CCL5: variants seen among roughly 807,000 people sequenced by gnomAD.
CCL5 encodes the protein C-C motif chemokine ligand 5, also known as C-C motif chemokine 5.
CCL5 carries 5 observed loss-of-function variants against 9.0 expected under a neutral mutation model. That is an observed-to-expected ratio of 0.55 (90% CI 0.29 to 1.16). The LOEUF (loss-of-function observed/expected upper bound fraction) is 1.16. Among genes scored for constraint, CCL5 ranks in the 50% most tolerant of loss-of-function variants. The probability of loss-of-function intolerance (pLI) is 0.08; values close to 1 mark genes in which losing one functional copy is unlikely to be tolerated. For synonymous variants in CCL5, 66 were observed against 72.0 expected, an observed-to-expected ratio of 0.92 and a Z score of 0.42; for missense variants, 183 against 183.2, an observed-to-expected ratio of 1.00 and a Z score of 0.01.
chr17:35,879,972 C>G (rs2088494714), intron 1 of CCL5, among the ~76,000 whole-genome samples: 2 of 152,274 alleles, frequency 1.3e-5, no homozygotes, highest in East Asian at 1.9e-4. Context: ...TCAGTGAACA[C>G]CTGTAGGCCT....
rs1047764015 is a variant in CCL5, at chr17:35,872,223, T to A, written c.*47A>T. 1.5e-6 allele frequency: 2 copies of A among 1,373,448 alleles called. No individual in the cohort carries two copies. The highest frequency in any genetic ancestry group is 1.9e-6 in the Non-Finnish European group (2 of 1,035,502). 85.1% of individuals were successfully genotyped at this position (1,373,448 alleles called of 1,614,324 possible). ...CAGGCGTGAGCCACCACGTCCAGCC[T>A]GGGGAAGGTTTTTGTAACTGCTGCT... On this transcript the variant is annotated 3_prime_UTR_variant, in exon 4 of 4. Transcript: ENST00000651122.
At chr17:35,874,178 T>G (rs2088413084) in intron 3 of CCL5, among the ~76,000 whole-genome samples, 1 of 152,236 alleles carries the variant, frequency 6.6e-6, no homozygotes, top group Non-Finnish European at 1.5e-5. Flanking sequence ...CACATTATTC[T>G]TATTATTATT....
chr17:35,875,721 C>T (rs554353433), intron 2 of CCL5: 5 of 467,484 alleles, frequency 1.1e-5, no homozygotes, highest in South Asian at 9.1e-5. Context: ...CCAACCTCCC[C>T]GCAGACTGTG....
At position 35,872,419 on chromosome 17, in the gene CCL5, C is replaced by G; in HGVS notation, c.316G>C (p.Glu106Gln). 6.2e-7 allele frequency: 1 copy of G among 1,614,010 alleles called. No homozygotes were observed. The highest frequency in any genetic ancestry group is 8.5e-7 in the Non-Finnish European group (1 of 1,180,008). ...AGTTGATGTACTCCCGAACCCATTTCTTCTCTGGGTTGGCACACACTTGGC... is the reference window on the plus strand; with the variant it reads ...AGTTGATGTACTCCCGAACCCATTTGTTCTCTGGGTTGGCACACACTTGGC... Residue 106 changes from glutamate (E) to glutamine (Q), a missense_variant, in exon 4 of 4, where the codon GAA becomes CAA. By Grantham distance (29) the Glu-to-Gln change is conservative. Transcript: ENST00000651122.
Position 35,880,294 on chromosome 17 carries a change from G to C in CCL5, c.12C>G (p.Ser4=). The C allele has an allele frequency of 6.2e-7, 1 of 1,612,448 alleles. No individual in the cohort carries two copies. The highest frequency in any genetic ancestry group is 8.5e-7 in the Non-Finnish European group (1 of 1,179,330). ...TGAGGATGACAGCGAGGGCTGCCGC[G>C]GAGACCTTCATGGTACCTGTGGGAG... The change falls in exon 1 of 4, where the codon TCC becomes TCG. Residue 4 remains serine, a synonymous_variant. Transcript: ENST00000651122.
At chr17:35,875,823 C>A (rs1568349047) in intron 2 of CCL5, among the ~76,000 whole-genome samples, 1 of 152,092 alleles carries the variant, frequency 6.6e-6, no homozygotes, top group Non-Finnish European at 1.5e-5. Context: ...TTCTGCCTAC[C>A]CCTTAAGAGC....
In CCL5 at chr17:35,878,582, G is replaced by A. The variant is rs749062985; in HGVS notation, c.134C>T (p.Ala45Val). 1 of 1,614,054 alleles carries A rather than the reference G, an allele frequency of 6.2e-7. No individual in the cohort carries two copies. Among genetic ancestry groups the A allele is most frequent in the Non-Finnish European group, 8.5e-7 (1 of 1,179,962 alleles). ...GGTGTAGAAATACTCCTTGATGTGGGCACGGGGCAGTGGGCGGGCAATGTA... is the reference window on the plus strand; with the variant it reads ...GGTGTAGAAATACTCCTTGATGTGGACACGGGGCAGTGGGCGGGCAATGTA... Residue 45 changes from alanine (A) to valine (V), a missense_variant, in exon 2 of 4, where the codon GCC (alanine) becomes GTC (valine). By Grantham distance (64) the Ala-to-Val change is moderately conservative. Coordinates refer to ENST00000651122, the MANE Select transcript of CCL5 (RefSeq NM_001278736.2).
At position 35,880,125 on chromosome 17, in the gene CCL5, C is replaced by G. The variant is rs2088496565; in HGVS notation, c.76+105G>C. ...TAATGGGGTTCAGACAGTATTCATG[C>G]TACAGTTGAAAAGAGGGCAAGGTGT... On this transcript the variant is annotated intron_variant, in intron 1 of 3. Coordinates refer to ENST00000651122, the MANE Select transcript of CCL5 (RefSeq NM_001278736.2). 4 of 831,586 alleles carry G rather than the reference C, an allele frequency of 4.8e-6. No homozygotes were observed. The Admixed American group carries it at 7.8e-5, about 16-fold the overall frequency. 51.5% of individuals were successfully genotyped at this position (831,586 alleles called of 1,614,324 possible). A position where few individuals can be genotyped will look rare whatever the true frequency, so the allele number is the denominator to read the frequency against.
Position 35,878,587 on chromosome 17 carries a change from G to A in CCL5, c.129C>T (p.Pro43=), listed in dbSNP as rs778789699. The change falls in exon 2 of 4, where the codon CCC becomes CCT. Residue 43 remains proline, a synonymous_variant. Transcript: ENST00000651122. ...AGAAATACTCCTTGATGTGGGCACG[G>A]GGCAGTGGGCGGGCAATGTAGGCAA... is the stretch of plus-strand genomic sequence containing the variant. The A allele has an allele frequency of 1.2e-6, 2 of 1,614,046 alleles. No individual in the cohort carries two copies. Among genetic ancestry groups the A allele is most frequent in the Non-Finnish European group, 1.7e-6 (2 of 1,179,974 alleles).
chr17:35,878,047 G>T (rs1357280859), intron 2 of CCL5, among the ~76,000 whole-genome samples: 1 of 151,952 alleles, frequency 6.6e-6, no homozygotes, highest in Non-Finnish European at 1.5e-5. Context: ...CACTTTGGGA[G>T]GCTGAGGCGG....
At chr17:35,878,427 G>A (rs1265593464) in intron 2 of CCL5, 101 bp downstream of exon 2, 1 of 760,560 alleles carries the variant, frequency 1.3e-6, no homozygotes, top group Non-Finnish European at 2.3e-6. Flanking sequence ...AGGAGCTGTG[G>A]CTGCTTGCAG....
At chr17:35,872,910 A>G (rs1023348772) in intron 3 of CCL5, among the ~76,000 whole-genome samples, 69 of 150,996 alleles carry the variant, frequency 4.6e-4, no homozygotes, top group African/African-American at 1.5e-3. Flanking sequence ...ATTTTTTGAG[A>G]TGGAGTCTTG....
chr17:35,873,719 A>C (rs1195094877), intron 3 of CCL5, among the ~76,000 whole-genome samples: 2 of 152,228 alleles, frequency 1.3e-5, no homozygotes, highest in Admixed American at 6.5e-5. Flanking sequence ...ATTACTGTGA[A>C]GCTCAAAGGA....
chr17:35,871,570 C>T lies in CCL5; in HGVS notation c.*700G>A, dbSNP rs28914814. 9.6e-3 allele frequency: 1,459 copies of T among 152,346 alleles called. 7 individuals are homozygous for T. Among genetic ancestry groups the T allele is most frequent in the Non-Finnish European group, 0.015 (1,051 of 68,046 alleles). The allele number at this position is 152,346 out of a possible 1,614,324, so 9.4% of individuals were successfully genotyped here. A position where few individuals can be genotyped will look rare whatever the true frequency, so the allele number is the denominator to read the frequency against. On this transcript the variant is annotated 3_prime_UTR_variant, in exon 4 of 4. Coordinates refer to ENST00000651122, the MANE Select transcript of CCL5 (RefSeq NM_001278736.2). Reference sequence around the variant, plus strand: ...AAGCTCCTGTGAGGGGTTGAGACGGCGGAAGCTTAAGAGTGCAGTGTTCCT... The same window carrying T: ...AAGCTCCTGTGAGGGGTTGAGACGGTGGAAGCTTAAGAGTGCAGTGTTCCT...
At chr17:35,872,606 T>G in intron 3 of CCL5, 142 bp from the exon 3 acceptor site, 1 of 682,240 alleles carries the variant, frequency 1.5e-6, no homozygotes, top group East Asian at 2.7e-5. Context: ...TAAGATTTTA[T>G]TTGTGGCTTT....
At chr17:35,876,128 A>G (rs2088438939) in intron 2 of CCL5, among the ~76,000 whole-genome samples, 1 of 152,108 alleles carries the variant, frequency 6.6e-6, no homozygotes. Flanking sequence ...CTATTACCCT[A>G]TTTTGTAGAG....
chr17:35,880,296 A>T lies in CCL5; in HGVS notation c.10T>A (p.Ser4Thr), dbSNP rs745541281. ...AGGATGACAGCGAGGGCTGCCGCGG[A>T]GACCTTCATGGTACCTGTGGGAGAG... Residue 4 changes from serine to threonine, a missense_variant, in exon 1 of 4, where the codon TCC (serine) becomes ACC (threonine). Ser to Thr is a moderately conservative substitution (Grantham distance 58, BLOSUM62 1). Coordinates refer to ENST00000651122, the MANE Select transcript of CCL5 (RefSeq NM_001278736.2). 6.2e-7 allele frequency: 1 copy of T among 1,612,318 alleles called. No individual in the cohort carries two copies. The highest frequency in any genetic ancestry group is 1.3e-5 in the African/African-American group (1 of 74,874).
intron 3 of CCL5, among the ~76,000 whole-genome samples, chr17:35,873,599 T>G (rs1051420907): frequency 1.2e-4 from 19 of 152,358 alleles, no homozygotes; most frequent in African/African-American, 4.3e-4. Context: ...GGCATGACCT[T>G]GAGTCTTCAT....
chr17:35,878,480 C>T (rs745726006), intron 2 of CCL5, 48 bp downstream of exon 2: 1 of 1,306,372 alleles, frequency 7.7e-7, no homozygotes, highest in Admixed American at 1.7e-5. Flanking sequence ...TCTCAGAGGA[C>T]TCCTCAGGGA....
Sources: gnomAD v4.1 joint callset for allele counts (sites outside exome capture counted in the v4.1 genomes callset) on GRCh38, gnomAD v4.1.1 for gene constraint, MANE v1.5 for transcripts, NCBI Gene and HGNC (gene_info 2026-07-23, HGNC 2026-07-21) for gene names.